RGS6: variants seen among roughly 807,000 people sequenced by gnomAD.
RGS6 encodes the protein regulator of G-protein signaling 6.
RGS6 carries 30 observed loss-of-function variants against 78.5 expected under a neutral mutation model. The observed-to-expected ratio is 0.38, with a 90% CI of 0.29 to 0.52. The LOEUF (loss-of-function observed/expected upper bound fraction) is 0.52, where lower values mean the gene tolerates loss of function less well. Ranked by LOEUF, RGS6 falls within the 20% of genes least tolerant of loss-of-function variation. The pLI is 0.85. For missense variants in RGS6, 495 were observed against 609.7 expected (o/e 0.81, Z 1.98); for synonymous variants, 206 against 206.0 (o/e 1.00, Z 0.00).
chr14:72,469,627 T>G (rs1215562597), intron 7 of RGS6: 1 of 160,598 alleles, frequency 6.2e-6, no homozygotes, highest in Non-Finnish European at 1.4e-5. Flanking sequence ...CAGCCTTTGG[T>G]TTTGCTCCTG....
At chr14:72,388,789 T>A (rs1225726896) in intron 3 of RGS6, among the ~76,000 whole-genome samples, 2 of 152,200 alleles carry the variant, frequency 1.3e-5, no homozygotes, top group Admixed American at 1.3e-4. Context: ...TTCACTTTAC[T>A]TTACTTCTTT....
chr14:71,919,714 C>T, the RGS6 span, among the ~76,000 whole-genome samples: 2 of 152,110 alleles, frequency 1.3e-5, no homozygotes, highest in Non-Finnish European at 2.9e-5. Flanking sequence ...ATTTTTTAAG[C>T]TGGGCGCGGT....
intron 2 of RGS6, among the ~76,000 whole-genome samples, chr14:72,134,757 G>A (rs964444786): frequency 3.3e-5 from 5 of 152,224 alleles, no homozygotes; most frequent in Non-Finnish European, 5.9e-5. Flanking sequence ...AGTTGATGGT[G>A]TAACTAACTC....
At chr14:71,994,803 A>T (rs2095124745) in intron 2 of RGS6, among the ~76,000 whole-genome samples, 1 of 152,158 alleles carries the variant, frequency 6.6e-6, no homozygotes, top group South Asian at 2.1e-4. Context: ...CAGAGGGAGC[A>T]TGGCCCTGCC....
intron 4 of RGS6, among the ~76,000 whole-genome samples, chr14:72,457,084 T>TAAAAAAAAAAA (rs747066432): frequency 2.4e-5 from 2 of 82,140 alleles, no homozygotes; most frequent in East Asian, 3.7e-4. Flanking sequence ...GACCTGTCTC[T>TAAAAAAAAAAA]AAAAAAAAAA....
chr14:72,018,487 T>C (rs561865903), intron 2 of RGS6, among the ~76,000 whole-genome samples: 1 of 152,364 alleles, frequency 6.6e-6, no homozygotes, highest in South Asian at 2.1e-4. Context: ...TTTATGTGAA[T>C]TTCTCAGATT....
chr14:71,978,643 T>G (rs1480690770), intron 2 of RGS6, among the ~76,000 whole-genome samples: 1 of 147,340 alleles, frequency 6.8e-6, no homozygotes, highest in Non-Finnish European at 1.5e-5. Context: ...AGCTTTTTGA[T>G]GTGCTGCTGG....
chr14:72,271,664 G>A (rs2059957097), intron 2 of RGS6, among the ~76,000 whole-genome samples: 1 of 152,218 alleles, frequency 6.6e-6, no homozygotes, highest in African/African-American at 2.4e-5. Context: ...TTCTACAGTT[G>A]CTGTAACAAA....
chr14:72,574,211 C>T, the RGS6 span, among the ~76,000 whole-genome samples: 1 of 152,184 alleles, frequency 6.6e-6, no homozygotes, highest in African/African-American at 2.4e-5. Flanking sequence ...GGATTCTGAG[C>T]TTTGGGCAGG....
chr14:71,939,879 T>A (rs575410698), intron 1 of RGS6, among the ~76,000 whole-genome samples: 3 of 152,302 alleles, frequency 2.0e-5, no homozygotes, highest in Non-Finnish European at 4.4e-5. Flanking sequence ...TGTTTTTGAT[T>A]TGCTATTTTT....
intron 17 of RGS6, among the ~76,000 whole-genome samples, chr14:72,545,834 G>A (rs1014263984): frequency 1.6e-4 from 24 of 152,300 alleles, no homozygotes; most frequent in African/African-American, 5.5e-4. Context: ...AGGACTCACA[G>A]AGAACAGGGT....
intron 2 of RGS6, among the ~76,000 whole-genome samples, chr14:72,294,977 T>A (rs2152354420): frequency 6.6e-6 from 1 of 152,342 alleles, no homozygotes; most frequent in East Asian, 1.9e-4. Flanking sequence ...GGTATGCTTT[T>A]GCATGCATTT....
At chr14:72,322,355 G>A (rs775277926) in intron 2 of RGS6, among the ~76,000 whole-genome samples, 1 of 151,950 alleles carries the variant, frequency 6.6e-6, no homozygotes, top group Non-Finnish European at 1.5e-5. Context: ...CATGACCCCA[G>A]ATGGAGAGAA....
In RGS6 at chr14:72,295,998, A is replaced by G. The variant is rs2064737240; in HGVS notation, c.85-56097A>G. 2.6e-5 allele frequency among the ~76,000 whole-genome samples: 4 copies of G among 152,222 alleles called. No homozygotes were observed. In the South Asian group the frequency reaches 8.3e-4, roughly 32 times the overall value. On this transcript the variant is annotated intron_variant, in intron 2 of 17. Transcript: ENST00000553525. ...CAACAACATTTCCATCATGCGGGAA[A>G]GTTCTCTTATTCCCCTTCCCAATAA... is the stretch of plus-strand genomic sequence containing the variant.
At position 72,536,293 on chromosome 14, in the gene RGS6, A is replaced by G; in HGVS notation, c.1368+18A>G. 1 of 1,598,270 alleles carries G rather than the reference A, an allele frequency of 6.3e-7. No individual in the cohort carries two copies. Among genetic ancestry groups the G allele is most frequent in the South Asian group, 1.1e-5 (1 of 90,742 alleles). Reference sequence around the variant, plus strand: ...AGAAGAAGGTATCTTTGGGAAGGGCAGGCTTGCTCTTAGCACTGTTGACTC... The same window carrying G: ...AGAAGAAGGTATCTTTGGGAAGGGCGGGCTTGCTCTTAGCACTGTTGACTC... On this transcript the variant is annotated intron_variant, in intron 16 of 17. Transcript: ENST00000553525.
chr14:72,446,110 T>C (rs1441385172), intron 3 of RGS6, among the ~76,000 whole-genome samples: 2 of 152,098 alleles, frequency 1.3e-5, no homozygotes, highest in Admixed American at 6.6e-5. Flanking sequence ...AATTTAAAAA[T>C]TAGCCAGCAT....
intron 3 of RGS6, among the ~76,000 whole-genome samples, chr14:72,433,619 T>C (rs2094761991): frequency 6.6e-6 from 1 of 152,172 alleles, no homozygotes; most frequent in Non-Finnish European, 1.5e-5. Flanking sequence ...GCTTAAAACC[T>C]GTTAATGGTC....
intron 2 of RGS6, among the ~76,000 whole-genome samples, chr14:72,001,707 A>C (rs12586947): frequency 0.63 from 95,200 of 151,850 alleles, 30,459 homozygotes; most frequent in South Asian, 0.7. Flanking sequence ...ATGCTAGAAG[A>C]GATAACTTGA....
At chr14:71,884,193 T>C in the RGS6 span, among the ~76,000 whole-genome samples, 1 of 152,208 alleles carries the variant, frequency 6.6e-6, no homozygotes, top group Admixed American at 6.5e-5. Flanking sequence ...GTTGTTTCCC[T>C]ATCCAAAGAG....
Sources: gnomAD v4.1 joint callset for allele counts (sites outside exome capture counted in the v4.1 genomes callset) on GRCh38, gnomAD v4.1.1 for gene constraint, MANE v1.5 for transcripts, NCBI Gene and HGNC (gene_info 2026-07-23, HGNC 2026-07-21) for gene names.